The following OVCH1 variants were observed in gnomAD, a reference collection of about 807,000 sequenced individuals.
OVCH1 encodes the protein ovochymase 1.
A neutral mutation model predicts 138.4 loss-of-function variants in OVCH1; 139 were observed. That is an observed-to-expected ratio of 1.00 (90% CI 0.87 to 1.16). OVCH1 has a LOEUF of 1.16. Ranked by LOEUF, OVCH1 falls within the 50% of genes most tolerant of loss-of-function variation. The pLI, the probability that OVCH1 is intolerant of heterozygous loss-of-function variation, is 0.00. For missense variants in OVCH1, 1,367 were observed against 1,357.9 expected (o/e 1.01, Z -0.11); for synonymous variants, 453 against 467.8 (o/e 0.97, Z 0.41).
intron 8 of OVCH1, among the ~76,000 whole-genome samples, chr12:29,481,156 CA>C (rs1942919450): frequency 2.0e-5 from 3 of 151,878 alleles, no homozygotes; most frequent in South Asian, 4.2e-4. Flanking sequence ...TTCAAATTCT[CA>C]AATAATTTTT....
chr12:29,479,768 C>G (rs1942863866), intron 8 of OVCH1, among the ~76,000 whole-genome samples: 1 of 151,368 alleles, frequency 6.6e-6, no homozygotes, highest in Non-Finnish European at 1.5e-5. Flanking sequence ...TTCCAAAAAG[C>G]AAACACTAAT....
intron 8 of OVCH1, among the ~76,000 whole-genome samples, chr12:29,486,007 A>G (rs1397108053): frequency 1.4e-5 from 2 of 140,624 alleles, no homozygotes; most frequent in Admixed American, 7.0e-5. Flanking sequence ...TAAATAAATA[A>G]ATAAATGGAT....
chr12:29,481,678 T>C (rs139559494), intron 8 of OVCH1, among the ~76,000 whole-genome samples: 1 of 152,338 alleles, frequency 6.6e-6, no homozygotes, highest in Non-Finnish European at 1.5e-5. Flanking sequence ...ATGTGTTTCC[T>C]ATGACTGTTG....
intron 27 of OVCH1, among the ~76,000 whole-genome samples, chr12:29,429,494 A>G (rs889640273): frequency 6.6e-6 from 1 of 152,254 alleles, no homozygotes; most frequent in Non-Finnish European, 1.5e-5. Flanking sequence ...TATTCATTAT[A>G]TAAATACTTG....
At chr12:29,456,845 A>G (rs1344848256) in intron 19 of OVCH1, among the ~76,000 whole-genome samples, 1 of 152,232 alleles carries the variant, frequency 6.6e-6, no homozygotes, top group East Asian at 1.9e-4. Flanking sequence ...CAGTTGTATC[A>G]AACCAAGCCT....
At chr12:29,443,993 T>C (rs1941551645) in intron 24 of OVCH1, among the ~76,000 whole-genome samples, 152 bp downstream of exon 24, 1 of 152,260 alleles carries the variant, frequency 6.6e-6, no homozygotes, top group African/African-American at 2.4e-5. Flanking sequence ...TTTGTTTCCA[T>C]ATTAAAAGCC....
chr12:29,410,958 T>C (rs952867381), downstream of OVCH1, among the ~76,000 whole-genome samples: 2 of 152,086 alleles, frequency 1.3e-5, no homozygotes. Context: ...CAATCAGACA[T>C]AGATTTGGTC....
intron 19 of OVCH1, among the ~76,000 whole-genome samples, chr12:29,461,046 C>G (rs558456046): frequency 6.6e-6 from 1 of 152,274 alleles, no homozygotes; most frequent in South Asian, 2.1e-4. Context: ...GAGGTGAAAT[C>G]TATTGCTGCA....
chr12:29,467,475 C>T lies in OVCH1; in HGVS notation c.1857-2256G>A, dbSNP rs533003103. Among the ~76,000 whole-genome samples, 4 of 152,228 alleles carry T rather than the reference C, an allele frequency of 2.6e-5. No individual in the cohort carries two copies. In the East Asian group the frequency reaches 7.7e-4, roughly 29 times the overall value. On this transcript the variant is annotated intron_variant, in intron 16 of 27. Transcript: ENST00000318184. The stretch of plus-strand genomic sequence containing the variant: ...AGGTATCAATTGATGGATTTCTTCA[C>T]CTTTTCTTCCCCCTCTCCCATATAA...
chr12:29,444,388 G>A (rs1941562813), intron 23 of OVCH1, 108 bp from the exon 24 acceptor site: 1 of 1,193,380 alleles, frequency 8.4e-7, no homozygotes, highest in East Asian at 2.6e-5. Flanking sequence ...ATTGTCCTGG[G>A]AAAACAAGTA....
At chr12:29,421,125 T>A (rs1041771062) in intron 3 of OVCH1, among the ~76,000 whole-genome samples, 1 of 152,204 alleles carries the variant, frequency 6.6e-6, no homozygotes, top group African/African-American at 2.4e-5. Context: ...TGCTGCAGAC[T>A]AACTAGCCAG....
chr12:29,449,639 T>A (rs1941722807), intron 22 of OVCH1, among the ~76,000 whole-genome samples: 1 of 152,160 alleles, frequency 6.6e-6, no homozygotes, highest in Admixed American at 6.5e-5. Flanking sequence ...GAATGGGAGT[T>A]CACTCATGAT....
chr12:29,429,371 TCATC>T (rs1479288172), intron 27 of OVCH1, among the ~76,000 whole-genome samples: 2 of 152,192 alleles, frequency 1.3e-5, no homozygotes, highest in Middle Eastern at 6.3e-3. Flanking sequence ...GATCTCATAC[TCATC>T]CAACTGTGCT....
At chr12:29,494,021 A>G (rs1309099997) in intron 4 of OVCH1, among the ~76,000 whole-genome samples, 1 of 152,224 alleles carries the variant, frequency 6.6e-6, no homozygotes, top group African/African-American at 2.4e-5. Context: ...TGTGCCACAC[A>G]GGTGATGTCA....
chr12:29,404,282 A>G, the OVCH1 span, among the ~76,000 whole-genome samples: 3 of 152,274 alleles, frequency 2.0e-5, no homozygotes, highest in East Asian at 5.8e-4. Context: ...CACAATGTCA[A>G]CAAGCTTGTA....
At chr12:29,427,522 G>A (rs1941199036), downstream of OVCH1, 1 of 1,548,136 alleles carries the variant, frequency 6.5e-7, no homozygotes, top group Non-Finnish European at 8.7e-7. Context: ...AATGTGCTTG[G>A]TTAGAGGCCT....
At chr12:29,442,944 AAAG>A (rs1027121192) in intron 25 of OVCH1, among the ~76,000 whole-genome samples, 5 of 152,138 alleles carry the variant, frequency 3.3e-5, no homozygotes, top group Admixed American at 2.0e-4. Context: ...TGCCAAAAAA[AAAG>A]AAAATAATGA....
At chr12:29,441,055 T>A (rs1201900566) in intron 25 of OVCH1, among the ~76,000 whole-genome samples, 1 of 152,020 alleles carries the variant, frequency 6.6e-6, no homozygotes, top group Non-Finnish European at 1.5e-5. Context: ...GGAAACTGAG[T>A]CTTAGAAAGA....
chr12:29,435,436 G>A (rs1941340553), intron 26 of OVCH1, among the ~76,000 whole-genome samples: 1 of 152,066 alleles, frequency 6.6e-6, no homozygotes, highest in Admixed American at 6.5e-5. Context: ...GCGCGATCTC[G>A]GCTCACCACA....
Sources: gnomAD v4.1 joint callset for allele counts (sites outside exome capture counted in the v4.1 genomes callset) on GRCh38, gnomAD v4.1.1 for gene constraint, MANE v1.5 for transcripts, NCBI Gene and HGNC (gene_info 2026-07-23, HGNC 2026-07-21) for gene names.